The following NELL1 variants were observed in gnomAD, a reference collection of about 807,000 sequenced individuals.
NELL1 encodes protein kinase C-binding protein NELL1.
Under a neutral mutation model 107.4 loss-of-function variants are expected in NELL1, and 76 were observed. The ratio of observed to expected loss-of-function variants is 0.71; its 90% CI spans 0.59 to 0.86. The LOEUF (loss-of-function observed/expected upper bound fraction) is 0.86. Ranked by LOEUF, NELL1 falls within the 40% of genes least tolerant of loss-of-function variation. The pLI is 0.00. For missense variants in NELL1, 1,024 were observed against 1,005.5 expected (o/e 1.02, Z -0.25); for synonymous variants, 353 against 341.2 (o/e 1.03, Z -0.38).
chr11:21,432,509 A>G (rs1852991889), intron 15 of NELL1, among the ~76,000 whole-genome samples: 1 of 152,148 alleles, frequency 6.6e-6, no homozygotes, highest in Non-Finnish European at 1.5e-5. Flanking sequence ...GGATACACTT[A>G]CAGTCAAATA....
At chr11:20,714,493 C>CT (rs1387525055) in intron 2 of NELL1, among the ~76,000 whole-genome samples, 1 of 150,776 alleles carries the variant, frequency 6.6e-6, no homozygotes, top group African/African-American at 2.4e-5. Flanking sequence ...CAGGCGTGAA[C>CT]CATCATGCCT....
chr11:20,797,381 G>A lies in NELL1; in HGVS notation c.335+13551G>A, dbSNP rs574810903. ...AGATCGAGACCATCCTGGCTAACAC[G>A]GTGAAATCCAGTCTCTACTAAAAAT... is the stretch of plus-strand genomic sequence containing the variant. On this transcript the variant is annotated intron_variant, in intron 3 of 19. Coordinates refer to ENST00000357134, the MANE Select transcript of NELL1 (RefSeq NM_006157.5). 1.2e-3 allele frequency among the ~76,000 whole-genome samples: 180 copies of A among 151,982 alleles called. 1 individual carries two copies. Among genetic ancestry groups the A allele is most frequent in the Non-Finnish European group, 2.0e-3 (137 of 67,962 alleles).
intron 14 of NELL1, among the ~76,000 whole-genome samples, chr11:21,343,097 G>T (rs1474307279): frequency 6.6e-6 from 1 of 151,932 alleles, no homozygotes; most frequent in Non-Finnish European, 1.5e-5. Flanking sequence ...AATAGATACT[G>T]CTCTTTGCAC....
At chr11:20,673,313 T>C (rs1172697079) in intron 1 of NELL1, among the ~76,000 whole-genome samples, 5 of 152,214 alleles carry the variant, frequency 3.3e-5, no homozygotes, top group Non-Finnish European at 7.3e-5. Context: ...AGAAAATTGC[T>C]TTTGGGGTAT....
chr11:21,267,312 A>G (rs1288146761), intron 14 of NELL1, among the ~76,000 whole-genome samples: 1 of 152,148 alleles, frequency 6.6e-6, no homozygotes, highest in East Asian at 1.9e-4. Context: ...ATAAAATGAT[A>G]ATTTAAAAAT....
At chr11:20,820,152 G>T (rs1857718589) in intron 3 of NELL1, among the ~76,000 whole-genome samples, 2 of 152,170 alleles carry the variant, frequency 1.3e-5, no homozygotes, top group Admixed American at 1.3e-4. Context: ...GTTTCTGGGA[G>T]ACTAGAATAG....
At chr11:21,227,107 CTAAT>C (rs1435706539) in intron 13 of NELL1, among the ~76,000 whole-genome samples, 2 of 152,328 alleles carry the variant, frequency 1.3e-5, no homozygotes, top group Admixed American at 6.5e-5. Context: ...GTGAGCAACT[CTAAT>C]TGAGAAACCT....
intron 12 of NELL1, among the ~76,000 whole-genome samples, chr11:21,113,045 G>A (rs1444893336): frequency 1.3e-5 from 2 of 151,936 alleles, no homozygotes; most frequent in Non-Finnish European, 2.9e-5. Flanking sequence ...GGAGCTCCAG[G>A]TCAAAGGATG....
chr11:21,151,718 G>A (rs182933971), intron 13 of NELL1, among the ~76,000 whole-genome samples: 265 of 152,280 alleles, frequency 1.7e-3, no homozygotes, highest in African/African-American at 6.1e-3. Context: ...ATTGGTTAAA[G>A]ATGAAATCTT....
Position 20,711,856 on chromosome 11 carries a change from C to A in NELL1, c.184+33796C>A, listed in dbSNP as rs539257564. Among the ~76,000 whole-genome samples the A allele has an allele frequency of 3.2e-4, 49 of 152,154 alleles. No individual in the cohort carries two copies. In the South Asian group the frequency reaches 9.3e-3, roughly 29 times the overall value. ...CTTTAGATAACCTGATGACTGTGTG[C>A]GTAGGTGAAGATCATTTTGCAATGA... On this transcript the variant is annotated intron_variant, in intron 2 of 19. Transcript: ENST00000357134.
intron 16 of NELL1, among the ~76,000 whole-genome samples, chr11:21,554,590 G>T (rs955770169): frequency 6.6e-6 from 1 of 151,722 alleles, no homozygotes; most frequent in Non-Finnish European, 1.5e-5. Context: ...GAGATTAAAT[G>T]TATGAGAGAA....
chr11:21,522,090 A>T (rs1327574787), intron 15 of NELL1, among the ~76,000 whole-genome samples: 1 of 152,074 alleles, frequency 6.6e-6, no homozygotes, highest in African/African-American at 2.4e-5. Flanking sequence ...AAAAGCCATT[A>T]TATCAAAAAG....
intron 10 of NELL1, among the ~76,000 whole-genome samples, chr11:20,940,133 C>T (rs553500161): frequency 6.6e-6 from 1 of 152,200 alleles, no homozygotes; most frequent in South Asian, 2.1e-4. Context: ...AGACTTCTCT[C>T]TGTGTCTCTG....
intron 17 of NELL1, among the ~76,000 whole-genome samples, chr11:21,563,966 A>T (rs1856910608): frequency 6.6e-6 from 1 of 151,968 alleles, no homozygotes; most frequent in Non-Finnish European, 1.5e-5. Flanking sequence ...TATGAAGTGA[A>T]TCATGAGCTC....
chr11:21,030,622 A>ATTTTTT (rs201033870), intron 12 of NELL1, among the ~76,000 whole-genome samples: 5 of 120,120 alleles, frequency 4.2e-5, no homozygotes, highest in Non-Finnish European at 9.2e-5. Flanking sequence ...ATTTTCTTGT[A>ATTTTTT]TTTTTTTTTT....
chr11:20,875,020 T>G (rs1027315980), intron 4 of NELL1, among the ~76,000 whole-genome samples: 1 of 152,220 alleles, frequency 6.6e-6, no homozygotes, highest in African/African-American at 2.4e-5. Context: ...GTTTATTATC[T>G]GAGAAGTTCC....
At chr11:20,730,947 A>T (rs7103981) in intron 2 of NELL1, among the ~76,000 whole-genome samples, 18,241 of 152,152 alleles carry the variant, frequency 0.12, 1,201 homozygotes, top group Non-Finnish European at 0.15. Context: ...AATAATTTTG[A>T]CTGAGATTAG....
At chr11:21,013,366 G>T (rs1002248329) in intron 12 of NELL1, among the ~76,000 whole-genome samples, 2 of 152,082 alleles carry the variant, frequency 1.3e-5, no homozygotes, top group African/African-American at 2.4e-5. Context: ...GCTCCAGGAA[G>T]ATTAGAGCTG....
rs527827199 is a variant in NELL1, at chr11:20,890,519, T to C, written c.603+4979T>C. Among the ~76,000 whole-genome samples the C allele has an allele frequency of 3.2e-4, 48 of 152,120 alleles. 1 individual carries two copies. The highest frequency in any genetic ancestry group is 2.9e-3 in the Admixed American group (45 of 15,288). On this transcript the variant is annotated intron_variant, in intron 5 of 19. Transcript: ENST00000357134. ...CTGGATGGAGGATCAGATGGACAAA[T>C]TGACAGAAGCAGGCTTCAGAAGGTG...
Sources: allele counts gnomAD v4.1 joint callset (sites outside exome capture counted in the v4.1 genomes callset), GRCh38; gene constraint gnomAD v4.1.1; transcripts MANE v1.5; gene names NCBI Gene and HGNC (gene_info 2026-07-23, HGNC 2026-07-21).